The following SYNE2 variants were observed in gnomAD, a reference collection of about 807,000 sequenced individuals.
The protein encoded by SYNE2 is spectrin repeat containing nuclear envelope protein 2.
A neutral mutation model predicts 856.3 loss-of-function variants in SYNE2; 431 were observed. The observed-to-expected ratio is 0.50, with a 90% CI of 0.47 to 0.55. The LOEUF is 0.55. Among genes scored for constraint, SYNE2 ranks in the 20% least tolerant of loss-of-function variants. SYNE2 has a pLI of 0.00. For synonymous variants in SYNE2, 2,923 were observed against 2,872.3 expected (o/e 1.02, Z -0.56); for missense variants, 8,129 against 8,023.2 (o/e 1.01, Z -0.50).
rs373128678 is a variant in SYNE2 at position 64,220,641 on chromosome 14, C to G, written c.20061+4C>G. The G allele has an allele frequency of 6.2e-7, 1 of 1,613,568 alleles. No homozygotes were observed. Among genetic ancestry groups the G allele is most frequent in the Non-Finnish European group, 8.5e-7 (1 of 1,179,992 alleles). ...ACAGTCGCTCATGCAGTGCCAGGTACGCTGACTCAGCAGCCCGCCTCCCAG... is the reference window on the plus strand; with the variant it reads ...ACAGTCGCTCATGCAGTGCCAGGTAGGCTGACTCAGCAGCCCGCCTCCCAG... On this transcript the variant is annotated splice_donor_region_variant and intron_variant, in intron 111 of 115. Coordinates refer to ENST00000555002, the MANE Select transcript of SYNE2 (RefSeq NM_182914.3).
At position 64,142,001 on chromosome 14, in the gene SYNE2, C is replaced by T. The variant is rs762722997; in HGVS notation, c.15219C>T (p.Asn5073=). 3.7e-6 allele frequency: 6 copies of T among 1,613,912 alleles called. No individual in the cohort carries two copies. In the East Asian group the frequency reaches 1.3e-4, roughly 36 times the overall value. ...TCACAGAAATGATTAGCTGGATGAACAATGTGGAGCATCAAACTTCAGATG... is the reference window on the plus strand; with the variant it reads ...TCACAGAAATGATTAGCTGGATGAATAATGTGGAGCATCAAACTTCAGATG... ...KAITEMISWM[N]NVEHQTSDED... is the part of the protein sequence containing the mutation. Residue 5073 remains asparagine, a synonymous_variant, in exon 82 of 116, where the codon AAC becomes AAT. Coordinates refer to ENST00000555002, the MANE Select transcript of SYNE2 (RefSeq NM_182914.3).
intron 1 of SYNE2, among the ~76,000 whole-genome samples, chr14:63,784,579 C>T (rs1887443355): frequency 6.6e-6 from 1 of 152,056 alleles, no homozygotes; most frequent in African/African-American, 2.4e-5. Flanking sequence ...AGACTGGTCT[C>T]AAAGTCCTGG....
At chr14:63,984,116 G>C (rs1039710731) in intron 18 of SYNE2, among the ~76,000 whole-genome samples, 1 of 152,080 alleles carries the variant, frequency 6.6e-6, no homozygotes, top group African/African-American at 2.4e-5. Flanking sequence ...GTGTTTGTGC[G>C]CCTGTGGTTC....
chr14:63,968,532 C>T (rs2096427804), intron 11 of SYNE2, among the ~76,000 whole-genome samples: 1 of 152,042 alleles, frequency 6.6e-6, no homozygotes, highest in Non-Finnish European at 1.5e-5. Context: ...TGAATTTGTG[C>T]ATGTGTGTCT....
At chr14:64,047,712 G>C (rs1788696058) in intron 45 of SYNE2, among the ~76,000 whole-genome samples, 1 of 151,992 alleles carries the variant, frequency 6.6e-6, no homozygotes, top group Admixed American at 6.6e-5. Flanking sequence ...TACACTTTTG[G>C]GGTTTTTTTA....
intron 8 of SYNE2, among the ~76,000 whole-genome samples, chr14:63,955,167 T>C (rs981738537): frequency 1.1e-4 from 16 of 152,214 alleles, no homozygotes; most frequent in Non-Finnish European, 2.2e-4. Flanking sequence ...GTCTTGATTT[T>C]CTTCTATTAT....
chr14:64,208,467 C>T (rs1278770514), intron 100 of SYNE2, among the ~76,000 whole-genome samples: 5 of 152,172 alleles, frequency 3.3e-5, no homozygotes, highest in South Asian at 2.1e-4. Flanking sequence ...ACAGTAATGG[C>T]GCCACCTGTC....
In SYNE2 at chr14:64,190,103, A is replaced by C; in HGVS notation, c.17904A>C (p.Glu5968Asp). The change falls in exon 99 of 116, where the codon GAA (glutamate) becomes GAC (aspartate). Residue 5968 changes from glutamate (E) to aspartate (D), a missense_variant. Glu to Asp is a conservative substitution (Grantham distance 45, BLOSUM62 2). Transcript: ENST00000555002. ...DCMEEINLFS[E>D]NKLQLKQMGD... ...TGGAAGAAATAAACTTGTTTAGTGA[A>C]AACAAGTTACAGTTAAAGCAGATGG... The C allele has an allele frequency of 6.2e-7, 1 of 1,614,112 alleles. No homozygotes were observed. Among genetic ancestry groups the C allele is most frequent in the East Asian group, 2.2e-5 (1 of 44,882 alleles).
rs188782396 is a variant in SYNE2 at position 64,104,914 on chromosome 14, C to G, written c.12493-2577C>G. On this transcript the variant is annotated intron_variant, in intron 64 of 115. Transcript: ENST00000555002. ...TAGACTTTTTTGGGATGGAGTTTCTCCAACTCAAACCTATTTTACCACCTT... is the reference window on the plus strand; with the variant it reads ...TAGACTTTTTTGGGATGGAGTTTCTGCAACTCAAACCTATTTTACCACCTT... Among the ~76,000 whole-genome samples the G allele has an allele frequency of 2.5e-3, 379 of 152,254 alleles. 1 individual carries two copies. Among genetic ancestry groups the G allele is most frequent in the Non-Finnish European group, 4.5e-3 (304 of 68,024 alleles).
In SYNE2 at chr14:64,053,085, A is replaced by T; in HGVS notation, c.9172A>T (p.Ile3058Phe). The T allele has an allele frequency of 6.2e-7, 1 of 1,614,124 alleles. No homozygotes were observed. Among genetic ancestry groups the T allele is most frequent in the Non-Finnish European group, 8.5e-7 (1 of 1,180,006 alleles). ...GGCATTATTAAGTAAAATGAGAGCTATTGATTTGCAAATTAAGAAAATGAC... is the reference window on the plus strand; with the variant it reads ...GGCATTATTAAGTAAAATGAGAGCTTTTGATTTGCAAATTAAGAAAATGAC... ...YQALLSKMRA[I>F]DLQIKKMTEV... Residue 3058 changes from isoleucine (I) to phenylalanine (F), a missense_variant, in exon 48 of 116, where the codon ATT (isoleucine) becomes TTT (phenylalanine). Ile to Phe is a conservative substitution (Grantham distance 21). Transcript: ENST00000555002.
At chr14:63,863,901 T>C (rs1396901728) in intron 1 of SYNE2, among the ~76,000 whole-genome samples, 6 of 152,194 alleles carry the variant, frequency 3.9e-5, no homozygotes, top group African/African-American at 9.7e-5. Context: ...CTTGGCTCAC[T>C]GCAACCTCCA....
intron 10 of SYNE2, among the ~76,000 whole-genome samples, chr14:63,965,654 T>G (rs1197183138): frequency 6.6e-6 from 1 of 152,180 alleles, no homozygotes; most frequent in African/African-American, 2.4e-5. Context: ...CACCTCTAGG[T>G]CTCCATCTCC....
intron 30 of SYNE2, among the ~76,000 whole-genome samples, chr14:64,005,374 G>A (rs564006316): frequency 1.3e-5 from 2 of 152,192 alleles, no homozygotes; most frequent in Non-Finnish European, 2.9e-5. Context: ...AAAGTGTTGA[G>A]ATTCTGTATA....
chr14:64,209,328 G>A, intron 101 of SYNE2, 100 bp from the exon 102 acceptor site: 7 of 1,586,950 alleles, frequency 4.4e-6, no homozygotes, highest in South Asian at 1.1e-5. Context: ...GGGTAACAGG[G>A]TCTCCCCCAC....
At chr14:63,963,579 A>G (rs953541281) in intron 9 of SYNE2, among the ~76,000 whole-genome samples, 9 of 152,150 alleles carry the variant, frequency 5.9e-5, no homozygotes, top group African/African-American at 2.2e-4. Flanking sequence ...GAATTACCCC[A>G]TATTTCGATT....
chr14:63,816,668 G>T (rs1276595643), intron 1 of SYNE2, among the ~76,000 whole-genome samples: 1 of 151,148 alleles, frequency 6.6e-6, no homozygotes, highest in Non-Finnish European at 1.5e-5. Flanking sequence ...AAGATGAAGT[G>T]TGACAGAGAA....
At chr14:63,953,902 A>C (rs1017493033) in intron 7 of SYNE2, among the ~76,000 whole-genome samples, 2 of 152,094 alleles carry the variant, frequency 1.3e-5, no homozygotes, top group African/African-American at 4.8e-5. Context: ...TTCATGTTGT[A>C]GCATGTGTCA....
chr14:63,838,253 C>T (rs911780189), intron 1 of SYNE2, among the ~76,000 whole-genome samples: 5 of 152,038 alleles, frequency 3.3e-5, no homozygotes, highest in African/African-American at 1.2e-4. Context: ...CCTGTAGTCC[C>T]AGCTACTCTG....
chr14:64,014,974 T>TATATATAC (rs1434593932), intron 32 of SYNE2, among the ~76,000 whole-genome samples: 2 of 84,896 alleles, frequency 2.4e-5, no homozygotes, highest in Non-Finnish European at 2.3e-5. Flanking sequence ...TATATATATA[T>TATATATAC]ACACACACAC....
Sources: allele counts gnomAD v4.1 joint callset (sites outside exome capture counted in the v4.1 genomes callset), GRCh38; gene constraint gnomAD v4.1.1; transcripts MANE v1.5; gene names NCBI Gene and HGNC (gene_info 2026-07-23, HGNC 2026-07-21).